RASEF: variants seen among roughly 807,000 people sequenced by gnomAD.
The protein encoded by RASEF is ras and EF-hand domain-containing protein.
A neutral mutation model predicts 90.1 loss-of-function variants in RASEF; 68 were observed. That is an observed-to-expected ratio of 0.75 (90% CI 0.62 to 0.92). The LOEUF (loss-of-function observed/expected upper bound fraction) is 0.92, where lower values mean the gene tolerates loss of function less well. RASEF is among the 40% of genes least tolerant of loss of function. The probability of loss-of-function intolerance (pLI) is 0.00; values close to 1 mark genes in which losing one functional copy is unlikely to be tolerated. For synonymous variants in RASEF, 331 were observed against 345.2 expected (o/e 0.96, Z 0.46); for missense variants, 949 against 937.2 (o/e 1.01, Z -0.16).
chr9:83,079,989 G>A, the RASEF span, among the ~76,000 whole-genome samples: 1 of 152,314 alleles, frequency 6.6e-6, no homozygotes, highest in Non-Finnish European at 1.5e-5. Context: ...TTTAAAATAA[G>A]TGTATAGGTA....
the RASEF span, among the ~76,000 whole-genome samples, chr9:83,169,551 T>A: frequency 2.0e-5 from 3 of 151,936 alleles, no homozygotes; most frequent in African/African-American, 7.2e-5. Context: ...AGCATTTGGG[T>A]TTTTGTTTGG....
At chr9:82,988,775 T>C (rs1174609839) in intron 16 of RASEF, among the ~76,000 whole-genome samples, 1 of 152,128 alleles carries the variant, frequency 6.6e-6, no homozygotes, top group Non-Finnish European at 1.5e-5. Context: ...CAGATGCCAG[T>C]GCTAAGTTTC....
Position 83,004,589 on chromosome 9 carries a change from G to A in RASEF, c.1114-3C>T, listed in dbSNP as rs1345543106. Reference sequence around the variant, plus strand: ...CCTGGTGAGATATTATTTATATGCTGTAATATAGAAGTAATCATTTGTTAG... The same window carrying A: ...CCTGGTGAGATATTATTTATATGCTATAATATAGAAGTAATCATTTGTTAG... On this transcript the variant is annotated splice_region_variant and splice_polypyrimidine_tract_variant and intron_variant, in intron 8 of 16. Coordinates refer to ENST00000376447, the MANE Select transcript of RASEF (RefSeq NM_152573.4). 3 of 1,498,904 alleles carry A rather than the reference G, an allele frequency of 2.0e-6. No homozygotes were observed. Among genetic ancestry groups the A allele is most frequent in the Non-Finnish European group, 1.9e-6 (2 of 1,075,336 alleles). 92.9% of individuals were successfully genotyped at this position (1,498,904 alleles called of 1,614,324 possible). A position where few individuals can be genotyped will look rare whatever the true frequency, so the allele number is the denominator to read the frequency against.
chr9:83,030,356 C>CAA (rs762391284), intron 1 of RASEF, among the ~76,000 whole-genome samples: 7 of 110,266 alleles, frequency 6.3e-5, no homozygotes, highest in South Asian at 2.9e-4. Context: ...GACTCCGTCA[C>CAA]AAAAAAAAAA....
At chr9:83,008,681 T>G (rs1485499562) in intron 6 of RASEF, among the ~76,000 whole-genome samples, 1 of 151,958 alleles carries the variant, frequency 6.6e-6, no homozygotes, top group African/African-American at 2.4e-5. Context: ...CACAGAGCTA[T>G]CTTTCTACCT....
the RASEF span, among the ~76,000 whole-genome samples, chr9:83,123,787 T>C: frequency 1.3e-5 from 2 of 152,258 alleles, no homozygotes; most frequent in African/African-American, 4.8e-5. Context: ...AGAGTCCTTT[T>C]TTGTTTATTG....
At chr9:83,093,763 C>T in the RASEF span, among the ~76,000 whole-genome samples, 12 of 152,348 alleles carry the variant, frequency 7.9e-5, no homozygotes, top group South Asian at 1.0e-3. Context: ...CACAGTGCAG[C>T]GGTGGGCTGA....
chr9:83,028,997 C>T (rs999127409), intron 1 of RASEF, among the ~76,000 whole-genome samples: 3 of 152,122 alleles, frequency 2.0e-5, no homozygotes, highest in Non-Finnish European at 4.4e-5. Context: ...AGAAACCAAC[C>T]CTGCTGATAC....
At chr9:83,008,587 C>G (rs1829174683) in intron 6 of RASEF, among the ~76,000 whole-genome samples, 1 of 151,870 alleles carries the variant, frequency 6.6e-6, no homozygotes, top group South Asian at 2.1e-4. Flanking sequence ...TGCGAAGGAC[C>G]AGGACAGTGC....
the RASEF span, among the ~76,000 whole-genome samples, chr9:83,115,760 A>G: frequency 1.3e-5 from 2 of 152,202 alleles, no homozygotes; most frequent in Non-Finnish European, 2.9e-5. Context: ...TATTACTGAG[A>G]CAGCATTTAC....
At chr9:83,055,810 T>C (rs952723900) in intron 1 of RASEF, 4 of 610,334 alleles carry the variant, frequency 6.6e-6, no homozygotes, top group South Asian at 5.7e-5. Flanking sequence ...CAAAGATATA[T>C]GTAAGGACCC....
chr9:83,011,983 C>G (rs1284831796), intron 5 of RASEF, among the ~76,000 whole-genome samples: 1 of 151,626 alleles, frequency 6.6e-6, no homozygotes, highest in African/African-American at 2.4e-5. Context: ...AATCTAAAAC[C>G]AAACTAAATA....
chr9:83,213,339 G>T, the RASEF span, among the ~76,000 whole-genome samples: 7,709 of 151,018 alleles, frequency 0.051, 637 homozygotes, highest in African/African-American at 0.18. Flanking sequence ...GGCAGAGGTT[G>T]CAGTGAGCTG....
intron 9 of RASEF, among the ~76,000 whole-genome samples, chr9:83,001,898 G>A (rs542898666): frequency 2.0e-5 from 3 of 152,304 alleles, no homozygotes; most frequent in African/African-American, 7.2e-5. Context: ...TCTGGGAGAC[G>A]TTTCATAGGG....
chr9:83,008,139 T>TGGCC (rs1452468642), intron 6 of RASEF, among the ~76,000 whole-genome samples: 1 of 152,072 alleles, frequency 6.6e-6, no homozygotes, highest in East Asian at 1.9e-4. Flanking sequence ...CTCAGAACAC[T>TGGCC]GGCCCTCTCC....
intron 1 of RASEF, chr9:83,055,336 A>C (rs1476674400): frequency 2.5e-6 from 1 of 407,640 alleles, no homozygotes; most frequent in Admixed American, 3.9e-5. Context: ...CCTTTCTTTG[A>C]CTCGGAAAGG....
At chr9:83,092,003 C>CTTTTTTTTTTTTTTTTTTTTTTTTTTTCT in the RASEF span, among the ~76,000 whole-genome samples, 1 of 35,920 alleles carries the variant, frequency 2.8e-5, no homozygotes, top group African/African-American at 9.3e-5. Flanking sequence ...TCTTTTATTT[C>CTTTTTTTTTTTTTTTTTTTTTTTTTTTCT]TTTTTTTTTT....
At chr9:83,146,835 C>T in the RASEF span, among the ~76,000 whole-genome samples, 1 of 151,906 alleles carries the variant, frequency 6.6e-6, no homozygotes, top group African/African-American at 2.4e-5. Flanking sequence ...GACAGAGCCC[C>T]CAGCAACTGG....
intron 3 of RASEF, among the ~76,000 whole-genome samples, chr9:83,021,647 C>A (rs1248404580): frequency 6.6e-6 from 1 of 152,000 alleles, no homozygotes; most frequent in Non-Finnish European, 1.5e-5. Flanking sequence ...AAAAGTGATG[C>A]AGATAAAAAT....
Sources: allele counts gnomAD v4.1 joint callset (sites outside exome capture counted in the v4.1 genomes callset), GRCh38; gene constraint gnomAD v4.1.1; transcripts MANE v1.5; gene names NCBI Gene and HGNC (gene_info 2026-07-23, HGNC 2026-07-21).